The following LRP5 variants were observed in gnomAD, a reference collection of about 807,000 sequenced individuals.
LRP5 encodes the protein low-density lipoprotein receptor-related protein 5.
LRP5 carries 62 observed loss-of-function variants against 154.1 expected under a neutral mutation model. The ratio of observed to expected loss-of-function variants is 0.40; its 90% CI spans 0.33 to 0.50. LRP5 has a LOEUF of 0.50. Among genes scored for constraint, LRP5 ranks in the 20% least tolerant of loss-of-function variants. The probability of loss-of-function intolerance (pLI) is 0.55; values close to 1 mark genes in which losing one functional copy is unlikely to be tolerated. For missense variants in LRP5, 1,915 were observed against 2,336.7 expected (o/e 0.82, Z 3.72); for synonymous variants, 966 against 1,011.5 (o/e 0.96, Z 0.85).
chr11:68,304,995 CT>C, the LRP5 span, among the ~76,000 whole-genome samples: 1 of 152,030 alleles, frequency 6.6e-6, no homozygotes, highest in Non-Finnish European at 1.5e-5. Context: ...TGAGTTAAGA[CT>C]TTGGGGGGCT....
chr11:68,306,766 C>T, the LRP5 span, among the ~76,000 whole-genome samples: 19 of 152,226 alleles, frequency 1.2e-4, no homozygotes, highest in Non-Finnish European at 2.1e-4. Flanking sequence ...TTTCACTACT[C>T]ATGTGGGCCT....
intron 2 of LRP5, among the ~76,000 whole-genome samples, chr11:68,348,992 G>T (rs1461597200): frequency 6.7e-6 from 1 of 149,052 alleles, no homozygotes; most frequent in Non-Finnish European, 1.5e-5. Context: ...ATTGTTGAAG[G>T]AATTACTTCC....
At chr11:68,421,636 C>T (rs1214565943) in intron 13 of LRP5, among the ~76,000 whole-genome samples, 1 of 151,732 alleles carries the variant, frequency 6.6e-6, no homozygotes, top group African/African-American at 2.4e-5. Context: ...GACACATGAT[C>T]CTTCGTGTCC....
chr11:68,386,186 C>T lies in LRP5; in HGVS notation c.1016-130C>T. On this transcript the variant is annotated intron_variant, in intron 5 of 22. Transcript: ENST00000294304. The surrounding 1 kb of genome is among the most constrained non-coding windows in gnomAD (Gnocchi z 7.9). ...CATGGGCTGGGTGCGTGTCACCTAA[C>T]ATCACCAGCCTTTGCAAGGAGAGCC... 1.8e-6 allele frequency: 2 copies of T among 1,133,126 alleles called. No individual in the cohort carries two copies. Among genetic ancestry groups the T allele is most frequent in the Non-Finnish European group, 2.6e-6 (2 of 769,244 alleles). 70.2% of individuals were successfully genotyped at this position (1,133,126 alleles called of 1,614,324 possible). A position where few individuals can be genotyped will look rare whatever the true frequency, so the allele number is the denominator to read the frequency against.
chr11:68,438,501 C>T lies in LRP5; in HGVS notation c.4167C>T (p.Pro1389=), dbSNP rs780535389. ...CGGCCCACAGCAGTGCCATCGGGCC[C>T]GTCATTGGCATCATCCTCTCTCTCT... ...DSPAHSSAIG[P]VIGIILSLFV... The change falls in exon 20 of 23, where the codon CCC becomes CCT. Residue 1389 remains proline, a synonymous_variant. Coordinates refer to ENST00000294304, the MANE Select transcript of LRP5 (RefSeq NM_002335.4). The T allele has an allele frequency of 1.2e-5, 20 of 1,614,118 alleles. No homozygotes were observed. The highest frequency in any genetic ancestry group is 1.6e-4 in the Middle Eastern group (1 of 6,084).
At chr11:68,351,741 G>A (rs1591210544) in intron 2 of LRP5, among the ~76,000 whole-genome samples, 4 of 152,334 alleles carry the variant, frequency 2.6e-5, no homozygotes, top group Admixed American at 1.3e-4. Context: ...GATGGTAAAT[G>A]AATAGTATTT....
chr11:68,400,328 C>T (rs2098651944), intron 7 of LRP5, among the ~76,000 whole-genome samples: 1 of 152,106 alleles, frequency 6.6e-6, no homozygotes, highest in African/African-American at 2.4e-5. Flanking sequence ...AAATGGACTT[C>T]CTTGCCTCAC....
In LRP5 at chr11:68,446,528, G is replaced by A. The variant is rs770810556; in HGVS notation, c.4581G>A (p.Pro1527=). 10 of 1,613,066 alleles carry A rather than the reference G, an allele frequency of 6.2e-6. No individual in the cohort carries two copies. Among genetic ancestry groups the A allele is most frequent in the Middle Eastern group, 1.6e-4 (1 of 6,084 alleles). The change falls in exon 22 of 23, where the codon CCG becomes CCA. Residue 1527 remains proline (P), a synonymous_variant. Transcript: ENST00000294304. ...CAAACATTCCGGCCACTGCGAGACC[G>A]TACAGGTAGGACATCCCCTGCAGCC... is the stretch of plus-strand genomic sequence containing the variant. The part of the protein sequence containing the change: ...YSSNIPATAR[P]YRPYIIRGMA...
intron 3 of LRP5, among the ~76,000 whole-genome samples, chr11:68,359,168 G>A (rs1183386865): frequency 6.6e-6 from 1 of 152,172 alleles, no homozygotes; most frequent in Non-Finnish European, 1.5e-5. Flanking sequence ...GGATTAGCTG[G>A]GTGCTTCTGG....
intron 3 of LRP5, among the ~76,000 whole-genome samples, chr11:68,359,666 T>C (rs1323833493): frequency 2.0e-5 from 3 of 152,198 alleles, no homozygotes; most frequent in South Asian, 2.1e-4. Flanking sequence ...TTTGCTATTA[T>C]GTTTTATTTT....
chr11:68,435,531 G>A (rs1445042884), intron 18 of LRP5, among the ~76,000 whole-genome samples: 1 of 151,900 alleles, frequency 6.6e-6, no homozygotes, highest in Non-Finnish European at 1.5e-5. Flanking sequence ...CTTGAGAGGA[G>A]ATGCCAGGCT....
At chr11:68,434,159 C>G (rs2098673547) in intron 18 of LRP5, among the ~76,000 whole-genome samples, 1 of 152,112 alleles carries the variant, frequency 6.6e-6, no homozygotes, top group Admixed American at 6.6e-5. Context: ...AAATCCGCCC[C>G]CAAAAGACAG....
chr11:68,416,543 G>T lies in LRP5; in HGVS notation c.3027+16G>T. The T allele has an allele frequency of 1.2e-6, 2 of 1,613,480 alleles. No individual in the cohort carries two copies. Among genetic ancestry groups the T allele is most frequent in the Non-Finnish European group, 1.7e-6 (2 of 1,179,726 alleles). On this transcript the variant is annotated intron_variant, in intron 13 of 22. Coordinates refer to ENST00000294304, the MANE Select transcript of LRP5 (RefSeq NM_002335.4). The stretch of plus-strand genomic sequence containing the variant: ...CGGGACCCAGGCAGGTGCCCTGTGG[G>T]AAGGGTGCGGGGTGTGCTTCCCAAG...
rs773784389 is a variant in LRP5, at chr11:68,411,602, G to C, written c.2485G>C (p.Glu829Gln). The stretch of plus-strand genomic sequence containing the variant: ...GACCGACCTGGACACCAACATGATC[G>C]AGTCGTCCAACATGCTGGGTGAGGG... ...YWTDLDTNMIESSNMLGQERV... is the reference protein window; with the variant it reads ...YWTDLDTNMIQSSNMLGQERV... The change falls in exon 11 of 23, where the codon GAG becomes CAG. Residue 829 changes from glutamate to glutamine, a missense_variant. By Grantham distance (29) the Glu-to-Gln change is conservative. Around this residue, in one of 3 missense-constraint regions of LRP5, gnomAD observed 1,094 missense variants for 1,210.1 expected, o/e 0.90. Transcript: ENST00000294304. The C allele has an allele frequency of 1.6e-5, 26 of 1,612,126 alleles. No individual in the cohort carries two copies. The highest frequency in any genetic ancestry group is 2.1e-5 in the Non-Finnish European group (25 of 1,179,414).
At chr11:68,425,863 G>T in intron 15 of LRP5, 115 bp from the exon 16 acceptor site, 2 of 935,130 alleles carry the variant, frequency 2.1e-6, no homozygotes, top group Non-Finnish European at 3.4e-6. Flanking sequence ...CCTGTCCAAA[G>T]CATGGAATCC....
At chr11:68,415,697 T>G (rs552210841) in intron 12 of LRP5, among the ~76,000 whole-genome samples, 16 of 61,796 alleles carry the variant, frequency 2.6e-4, no homozygotes, top group Middle Eastern at 8.2e-3. Context: ...AGTGAGCTCA[T>G]TTTGTGCCAC....
chr11:68,319,728 A>G (rs1376236452), intron 1 of LRP5, among the ~76,000 whole-genome samples: 1 of 152,182 alleles, frequency 6.6e-6, no homozygotes, highest in Non-Finnish European at 1.5e-5. Context: ...GGTGCACTTG[A>G]CAGCATTTAC....
chr11:68,403,664 T>C lies in LRP5; in HGVS notation c.1766T>C (p.Met589Thr). 6.2e-7 allele frequency: 1 copy of C among 1,614,046 alleles called. No individual in the cohort carries two copies. Among genetic ancestry groups the C allele is most frequent in the Non-Finnish European group, 8.5e-7 (1 of 1,180,028 alleles). The change falls in exon 8 of 23, where the codon ATG becomes ACG. Residue 589 changes from methionine (M) to threonine (T), a missense_variant. Physicochemically the swap from Met to Thr is moderately conservative, Grantham distance 81. This residue lies in a region of LRP5 where 773 missense variants were observed against 1,100.9 expected (regional missense o/e 0.70). Transcript: ENST00000294304. The part of the protein sequence containing the change: ...DVIIDQLPDL[M>T]GLKAVNVAKV... ...ATCATTGACCAGCTGCCCGACCTGATGGGGCTCAAAGCTGTGAATGTGGCC... is the reference window on the plus strand; with the variant it reads ...ATCATTGACCAGCTGCCCGACCTGACGGGGCTCAAAGCTGTGAATGTGGCC...
At chr11:68,315,714 G>A (rs1038815075) in intron 1 of LRP5, among the ~76,000 whole-genome samples, 5 of 152,244 alleles carry the variant, frequency 3.3e-5, no homozygotes, top group African/African-American at 1.2e-4. Flanking sequence ...CCATGTAGAG[G>A]GGAGGACAGG....
Sources: allele counts gnomAD v4.1 joint callset (sites outside exome capture counted in the v4.1 genomes callset), GRCh38; gene constraint gnomAD v4.1.1; regional missense constraint gnomAD v4.1.1; non-coding constraint Gnocchi (gnomAD v3.1); transcripts MANE v1.5; gene names NCBI Gene and HGNC (gene_info 2026-07-23, HGNC 2026-07-21).